Variants in DIP2C observed in about 807,000 individuals in gnomAD.
The protein encoded by DIP2C is disco-interacting protein 2 homolog C.
In DIP2C, 33 loss-of-function variants were observed where a neutral mutation model predicts 192.4. The observed-to-expected ratio is 0.17, with a 90% confidence interval of 0.13 to 0.23. DIP2C has a LOEUF of 0.23. DIP2C is among the 10% of genes least tolerant of loss of function. The probability of loss-of-function intolerance (pLI) is 1.00; values close to 1 mark genes in which losing one functional copy is unlikely to be tolerated. For synonymous variants in DIP2C, 979 were observed against 864.1 expected, an observed-to-expected ratio of 1.13 and a Z score of -2.33; for missense variants, 1,537 against 2,110.1, an observed-to-expected ratio of 0.73 and a Z score of 5.32.
intron 7 of DIP2C, among the ~76,000 whole-genome samples, chr10:415,240 C>T (rs537462795): frequency 5.9e-5 from 9 of 152,194 alleles, no homozygotes; most frequent in African/African-American, 2.2e-4. Context: ...TCAGTCGTTT[C>T]TACTTGTGGT....
chr10:538,332 T>G (rs1847805128), intron 1 of DIP2C, among the ~76,000 whole-genome samples: 1 of 152,262 alleles, frequency 6.6e-6, no homozygotes, highest in African/African-American at 2.4e-5. Context: ...AGTTCTTTTT[T>G]GTAGAGATGG....
rs140017969 is a variant in DIP2C at position 356,441 on chromosome 10, C to T, written c.2970G>A (p.Thr990=). 7.6e-5 allele frequency: 122 copies of T among 1,611,652 alleles called. No homozygotes were observed. Among genetic ancestry groups the T allele is most frequent in the African/African-American group, 4.8e-4 (36 of 74,944 alleles). The change falls in exon 24 of 37, where the codon ACG becomes ACA. Residue 990 remains threonine (T), a synonymous_variant. Transcript: ENST00000280886. The stretch of plus-strand genomic sequence containing the variant: ...CGCGCCTCACCCGACAGTTGAGCAG[C>T]GTGTAGAGGATGTGGTCCGGGGTGG... The part of the protein sequence containing the change: ...AQTTPDHILY[T]LLNCRGAIAN...
intron 7 of DIP2C, among the ~76,000 whole-genome samples, chr10:414,737 G>GTC (rs1213629573): frequency 1.8e-5 from 1 of 55,780 alleles, no homozygotes; most frequent in Non-Finnish European, 3.8e-5. Flanking sequence ...GTGTGTGTGT[G>GTC]TGTACATATA....
At chr10:340,090 A>C (rs987719024) in intron 29 of DIP2C, among the ~76,000 whole-genome samples, 1 of 151,980 alleles carries the variant, frequency 6.6e-6, no homozygotes, top group African/African-American at 2.4e-5. Context: ...CTGAGACATG[A>C]GAATCGCTGG....
intron 1 of DIP2C, chr10:664,107 G>A (rs1973083): frequency 0.95 from 143,707 of 152,002 alleles, 68,456 homozygotes; most frequent in Non-Finnish European, 1. Flanking sequence ...CACCGAGGAC[G>A]GCCTCCCACA....
At chr10:650,271 A>C (rs1855775289) in intron 1 of DIP2C, 2 of 716,826 alleles carry the variant, frequency 2.8e-6, no homozygotes, top group Admixed American at 2.0e-5. Context: ...GAGGTGACAC[A>C]GCACTGGATG....
At chr10:600,161 G>T (rs1488025883) in intron 1 of DIP2C, among the ~76,000 whole-genome samples, 1 of 152,146 alleles carries the variant, frequency 6.6e-6, no homozygotes, top group Non-Finnish European at 1.5e-5. Context: ...AAGGAATCGT[G>T]GAAATAAGAG....
rs74946488 is a variant in DIP2C, at chr10:376,024, C to T, written c.1992-6391G>A. Among the ~76,000 whole-genome samples, 2,563 of 152,312 alleles carry T rather than the reference C, an allele frequency of 0.017. 155 individuals are homozygous for T. The East Asian group carries it at 0.2, about 12-fold the overall frequency. ...TATGCAACGGACCACACACAAAACA[C>T]GCCTGCAGTCATGTAACGGCGGTAA... On this transcript the variant is annotated intron_variant, in intron 17 of 36. Transcript: ENST00000280886.
At chr10:660,037 C>T (rs1400103064) in intron 1 of DIP2C, among the ~76,000 whole-genome samples, 3 of 152,236 alleles carry the variant, frequency 2.0e-5, no homozygotes, top group Non-Finnish European at 4.4e-5. Context: ...TGTCAAGAGG[C>T]CTAGGTTCCC....
intron 10 of DIP2C, among the ~76,000 whole-genome samples, chr10:398,157 T>G (rs1964142615): frequency 6.6e-6 from 1 of 152,208 alleles, no homozygotes; most frequent in South Asian, 2.1e-4. Context: ...TCCTTCCCTT[T>G]CCAGGTCCTT....
At chr10:667,632 A>G (rs1467619260) in intron 1 of DIP2C, 1 of 152,308 alleles carries the variant, frequency 6.6e-6, no homozygotes, top group Non-Finnish European at 1.5e-5. Context: ...TAACACACTC[A>G]TACAACACAT....
At chr10:289,762 C>G (rs972603073) in intron 32 of DIP2C, among the ~76,000 whole-genome samples, 1 of 152,150 alleles carries the variant, frequency 6.6e-6, no homozygotes, top group Non-Finnish European at 1.5e-5. Context: ...ACGAGGGAGG[C>G]CACGGAGGGT....
At chr10:356,251 G>C (rs752196199) in intron 24 of DIP2C, 175 bp downstream of exon 24, 12 of 736,138 alleles carry the variant, frequency 1.6e-5, no homozygotes, top group Middle Eastern at 2.3e-4. Context: ...TGCACAAATG[G>C]TTACGTTTAA....
Position 348,749 on chromosome 10 carries a change from T to C in DIP2C, c.3123A>G (p.Ile1041Met). 1.2e-6 allele frequency: 2 copies of C among 1,613,592 alleles called. No homozygotes were observed. Among genetic ancestry groups the C allele is most frequent in the Non-Finnish European group, 8.5e-7 (1 of 1,179,870 alleles). ...ALVYPPGIDL[I>M]AAFYGCLYAG... ...CGTACAGGCAACCATAAAACGCTGC[T>C]ATCAGGTCTATTCCTACACAAGGAG... The change falls in exon 26 of 37, where the codon ATA (isoleucine) becomes ATG (methionine). Residue 1041 changes from isoleucine (I) to methionine (M), a missense_variant. By Grantham distance (10) the Ile-to-Met change is conservative. This residue lies in a region of DIP2C where 677 missense variants were observed against 989.9 expected (regional missense o/e 0.68). Coordinates refer to ENST00000280886, the MANE Select transcript of DIP2C (RefSeq NM_014974.3).
rs1202466968 is a variant in DIP2C at position 429,556 on chromosome 10, C to G, written c.395-6523G>C. 3.7e-5 allele frequency among the ~76,000 whole-genome samples: 5 copies of G among 135,636 alleles called. 1 individual carries two copies. The highest frequency in any genetic ancestry group is 3.0e-4 in the Admixed American group (4 of 13,426). The allele number at this position is 135,636 out of a possible 152,430, so 89.0% of individuals were successfully genotyped here. ...TCCCCCACAGACCCTGGCTGCCTCC[C>G]CCTGGACCCTGGCAACCACTGATCT... On this transcript the variant is annotated intron_variant, in intron 4 of 36. Coordinates refer to ENST00000280886, the MANE Select transcript of DIP2C (RefSeq NM_014974.3).
chr10:636,820 A>T lies in DIP2C; in HGVS notation c.85+52674T>A, dbSNP rs948532044. ...CCTCTTATGCACCTCAGTTCCCTGT[A>T]AACAGGAAGTTTCAGTCTCGAGGCG... On this transcript the variant is annotated intron_variant, in intron 1 of 36. Coordinates refer to ENST00000280886, the MANE Select transcript of DIP2C (RefSeq NM_014974.3). This position sits in a 1 kb window ranked among gnomAD's most constrained non-coding sequence, Gnocchi z 4.6. 6.6e-6 allele frequency among the ~76,000 whole-genome samples: 1 copy of T among 152,188 alleles called. No individual in the cohort carries two copies. The highest frequency in any genetic ancestry group is 2.4e-5 in the African/African-American group (1 of 41,442).
intron 29 of DIP2C, 38 bp from the exon 30 acceptor site, chr10:329,639 GCAA>G: frequency 6.9e-6 from 3 of 432,470 alleles, no homozygotes; most frequent in Non-Finnish European, 1.2e-5. Flanking sequence ...CGGGAGCTCA[GCAA>G]GGCTGGAGCT....
intron 1 of DIP2C, among the ~76,000 whole-genome samples, chr10:551,248 C>T (rs898137340): frequency 5.9e-5 from 9 of 152,228 alleles, no homozygotes; most frequent in African/African-American, 2.2e-4. Context: ...GTCCACGTAC[C>T]ATGCCCCCTC....
intron 1 of DIP2C, among the ~76,000 whole-genome samples, chr10:589,192 G>C (rs1851262479): frequency 6.6e-6 from 1 of 152,158 alleles, no homozygotes; most frequent in Non-Finnish European, 1.5e-5. Flanking sequence ...TGTTCTCTCA[G>C]TCATGAGCTT....
Sources: allele counts gnomAD v4.1 joint callset (sites outside exome capture counted in the v4.1 genomes callset), GRCh38; gene constraint gnomAD v4.1.1; regional missense constraint gnomAD v4.1.1; non-coding constraint Gnocchi (gnomAD v3.1); transcripts MANE v1.5; gene names NCBI Gene and HGNC (gene_info 2026-07-23, HGNC 2026-07-21).